Variants in ADAM32 observed in about 807,000 individuals in gnomAD.
ADAM32 encodes the protein disintegrin and metalloproteinase domain-containing protein 32.
In ADAM32, 89 loss-of-function variants were observed where a neutral mutation model predicts 114.9. The ratio of observed to expected loss-of-function variants is 0.77; its 90% confidence interval spans 0.65 to 0.92. The LOEUF (loss-of-function observed/expected upper bound fraction) is 0.92, where lower values mean the gene tolerates loss of function less well. ADAM32 is among the 40% of genes least tolerant of loss of function. ADAM32 has a pLI of 0.00. For missense variants in ADAM32, 870 were observed against 932.8 expected, an observed-to-expected ratio of 0.93 and a Z score of 0.88; for synonymous variants, 285 against 307.5, an observed-to-expected ratio of 0.93 and a Z score of 0.77.
intron 20 of ADAM32, among the ~76,000 whole-genome samples, chr8:39,273,335 G>A (rs1304554103): frequency 3.3e-5 from 5 of 151,856 alleles, no homozygotes; most frequent in East Asian, 1.9e-4. Flanking sequence ...GTGAAACCCC[G>A]TCTCTACTAA....
intron 19 of ADAM32, among the ~76,000 whole-genome samples, chr8:39,261,767 AT>A (rs1257613085): frequency 6.6e-6 from 1 of 151,670 alleles, no homozygotes; most frequent in Non-Finnish European, 1.5e-5. Flanking sequence ...AGATTACCTC[AT>A]TGTGGTTTTG....
rs59934573 is a variant in ADAM32, at chr8:39,154,033, C to CATATATATATATATATATATAT, written c.525+2501_525+2502insATATATATATATATATATATAT. Among the ~76,000 whole-genome samples, 612 of 139,290 alleles carry CATATATATATATATATATATAT rather than the reference C, an allele frequency of 4.4e-3. 1 individual carries two copies. The highest frequency in any genetic ancestry group is 8.0e-3 in the African/African-American group (306 of 38,160). 91.4% of individuals were successfully genotyped at this position (139,290 alleles called of 152,430 possible). On this transcript the variant is annotated intron_variant, in intron 6 of 24. Transcript: ENST00000379907. Reference sequence around the variant, plus strand: ...AGTAAAAGACAAACAGAAAGTTCCTCATATATATATATATATGTAATTATA... The same window carrying CATATATATATATATATATATAT: ...AGTAAAAGACAAACAGAAAGTTCCTCATATATATATATATATATATATATATATATATATATATGTAATTATA...
chr8:39,120,456 A>G (rs1262310954), intron 2 of ADAM32, among the ~76,000 whole-genome samples: 1 of 152,100 alleles, frequency 6.6e-6, no homozygotes, highest in Non-Finnish European at 1.5e-5. Context: ...ACTGGTAGAA[A>G]TATGAACATT....
Position 39,199,867 on chromosome 8 carries a change from C to T in ADAM32, c.1053-11277C>T, listed in dbSNP as rs540639795. On this transcript the variant is annotated intron_variant, in intron 11 of 24. Transcript: ENST00000379907. Reference sequence around the variant, plus strand: ...ATTCCCACCTATGAGTGAGAACATGCGGTGTTTGGTTTTTTGTCCTTGCGA... The same window carrying T: ...ATTCCCACCTATGAGTGAGAACATGTGGTGTTTGGTTTTTTGTCCTTGCGA... Among the ~76,000 whole-genome samples, 807 of 149,894 alleles carry T rather than the reference C, an allele frequency of 5.4e-3. 9 individuals carry two copies. The highest frequency in any genetic ancestry group is 0.019 in the African/African-American group (768 of 40,730).
intron 21 of ADAM32, among the ~76,000 whole-genome samples, chr8:39,275,341 C>G (rs1183892954): frequency 6.6e-6 from 1 of 152,142 alleles, no homozygotes; most frequent in Non-Finnish European, 1.5e-5. Context: ...CTAGAAATGG[C>G]CTTTTCTTTC....
chr8:39,237,739 G>A (rs1810272403), intron 16 of ADAM32, among the ~76,000 whole-genome samples: 1 of 151,412 alleles, frequency 6.6e-6, no homozygotes, highest in Non-Finnish European at 1.5e-5. Flanking sequence ...CCTACCCAAG[G>A]AGAGTTTGAG....
chr8:39,195,113 C>G (rs1356887461), intron 11 of ADAM32, among the ~76,000 whole-genome samples: 1 of 152,146 alleles, frequency 6.6e-6, no homozygotes, highest in African/African-American at 2.4e-5. Flanking sequence ...AGCTTCCTCC[C>G]CCTTCAGCCC....
At chr8:39,176,874 A>T (rs1049034155) in intron 10 of ADAM32, among the ~76,000 whole-genome samples, 1 of 152,144 alleles carries the variant, frequency 6.6e-6, no homozygotes, top group Non-Finnish European at 1.5e-5. Context: ...GTACTCCTGT[A>T]TCGGGTGCTT....
At chr8:39,207,906 A>T (rs1360640209) in intron 11 of ADAM32, among the ~76,000 whole-genome samples, 2 of 152,208 alleles carry the variant, frequency 1.3e-5, no homozygotes, top group East Asian at 1.9e-4. Context: ...ATAAGATTGC[A>T]TTCCTTTTTA....
intron 1 of ADAM32, among the ~76,000 whole-genome samples, chr8:39,113,172 A>G (rs1840234911): frequency 6.6e-6 from 1 of 152,170 alleles, no homozygotes; most frequent in African/African-American, 2.4e-5. Flanking sequence ...CGATAAGAGG[A>G]TGTGTGAAAC....
chr8:39,276,901 G>C (rs544463108), intron 22 of ADAM32, among the ~76,000 whole-genome samples: 2 of 152,208 alleles, frequency 1.3e-5, no homozygotes, highest in Non-Finnish European at 2.9e-5. Context: ...ATCTTGCTCA[G>C]CATTGTATAG....
At chr8:39,122,310 A>T (rs1840619430) in intron 2 of ADAM32, among the ~76,000 whole-genome samples, 1 of 152,128 alleles carries the variant, frequency 6.6e-6, no homozygotes, top group African/African-American at 2.4e-5. Context: ...AACTCCCAGT[A>T]TGGAGATAGG....
chr8:39,196,812 G>A (rs1380876823), intron 11 of ADAM32, among the ~76,000 whole-genome samples: 1 of 151,462 alleles, frequency 6.6e-6, no homozygotes, highest in African/African-American at 2.4e-5. Flanking sequence ...TTTTTGTTGT[G>A]TCCTTGTCTG....
chr8:39,269,905 C>T (rs57822948), intron 19 of ADAM32, among the ~76,000 whole-genome samples: 32,832 of 152,072 alleles, frequency 0.22, 3,807 homozygotes, highest in East Asian at 0.28. Context: ...CCTCAGGAAA[C>T]CTGCAATCAT....
intron 14 of ADAM32, among the ~76,000 whole-genome samples, chr8:39,230,329 A>G (rs981725969): frequency 6.6e-6 from 1 of 152,204 alleles, no homozygotes; most frequent in African/African-American, 2.4e-5. Flanking sequence ...GAAAGTGATC[A>G]TCTAATACTA....
At chr8:39,179,006 C>T (rs1404656686) in intron 10 of ADAM32, among the ~76,000 whole-genome samples, 2 of 152,162 alleles carry the variant, frequency 1.3e-5, no homozygotes, top group South Asian at 2.1e-4. Flanking sequence ...GGAATGGGAT[C>T]ATCAGGGACC....
chr8:39,243,873 A>G (rs901866341), intron 16 of ADAM32, among the ~76,000 whole-genome samples: 2 of 152,118 alleles, frequency 1.3e-5, no homozygotes, highest in Non-Finnish European at 2.9e-5. Flanking sequence ...ATGATCATAT[A>G]CCTTGGAAAC....
intron 14 of ADAM32, among the ~76,000 whole-genome samples, chr8:39,231,810 A>T (rs1409025146): frequency 6.6e-6 from 1 of 152,060 alleles, no homozygotes; most frequent in East Asian, 1.9e-4. Context: ...CACCTATATT[A>T]TCTTTTATGA....
intron 19 of ADAM32, among the ~76,000 whole-genome samples, chr8:39,262,480 A>T (rs1460393177): frequency 2.0e-5 from 3 of 152,080 alleles, no homozygotes; most frequent in Non-Finnish European, 4.4e-5. Flanking sequence ...TGGTAGTACA[A>T]TTCTTCCAGC....
Sources: gnomAD v4.1 joint callset for allele counts (sites outside exome capture counted in the v4.1 genomes callset) on GRCh38, gnomAD v4.1.1 for gene constraint, MANE v1.5 for transcripts, NCBI Gene and HGNC (gene_info 2026-07-23, HGNC 2026-07-21) for gene names.